SFXN5: variants seen among roughly 807,000 people sequenced by gnomAD.
SFXN5 encodes sideroflexin 5.
Under a neutral mutation model 50.2 loss-of-function variants are expected in SFXN5, and 43 were observed. That is an observed-to-expected ratio of 0.86 (90% confidence interval 0.67 to 1.11). SFXN5 has a LOEUF of 1.11. SFXN5 is among the 50% of genes least tolerant of loss of function. SFXN5 has a pLI of 0.00. For synonymous variants in SFXN5, 203 were observed against 185.8 expected (o/e 1.09, Z -0.75); for missense variants, 463 against 454.1 (o/e 1.02, Z -0.18).
intron 3 of SFXN5, among the ~76,000 whole-genome samples, chr2:73,034,126 C>G (rs1678665983): frequency 6.6e-6 from 1 of 152,180 alleles, no homozygotes; most frequent in South Asian, 2.1e-4. Flanking sequence ...CTGCAGGGAC[C>G]CAGCCCACAA....
At chr2:72,972,950 G>A (rs1224575443) in intron 10 of SFXN5, among the ~76,000 whole-genome samples, 1 of 152,050 alleles carries the variant, frequency 6.6e-6, no homozygotes, top group Non-Finnish European at 1.5e-5. Flanking sequence ...GCTGGAGGGT[G>A]GCGGGGCCTA....
At chr2:73,022,809 A>AC (rs1677069531) in intron 4 of SFXN5, among the ~76,000 whole-genome samples, 1 of 152,170 alleles carries the variant, frequency 6.6e-6, no homozygotes, top group Non-Finnish European at 1.5e-5. Context: ...AACAGATAGC[A>AC]CCACTCCTCC....
intron 6 of SFXN5, among the ~76,000 whole-genome samples, chr2:73,011,066 A>T (rs1311533953): frequency 6.6e-6 from 1 of 152,244 alleles, no homozygotes; most frequent in Non-Finnish European, 1.5e-5. Context: ...TACATCCAAG[A>T]GCTGATTCCA....
chr2:72,972,524 G>A (rs1041540108), intron 10 of SFXN5, among the ~76,000 whole-genome samples: 1 of 152,220 alleles, frequency 6.6e-6, no homozygotes, highest in Non-Finnish European at 1.5e-5. Flanking sequence ...GAAGTCTGGG[G>A]CCACCCATTA....
At chr2:72,947,770 A>G (rs909856664) in intron 13 of SFXN5, among the ~76,000 whole-genome samples, 26 of 152,144 alleles carry the variant, frequency 1.7e-4, no homozygotes, top group African/African-American at 6.0e-4. Context: ...AGCCAGGCTG[A>G]GGGCCCAGGC....
At chr2:73,061,777 T>C (rs1327873725) in intron 1 of SFXN5, among the ~76,000 whole-genome samples, 3 of 152,186 alleles carry the variant, frequency 2.0e-5, no homozygotes, top group Non-Finnish European at 4.4e-5. Context: ...ATCAATATTA[T>C]ACCTAATATA....
chr2:73,000,728 G>A (rs749964826), intron 7 of SFXN5, among the ~76,000 whole-genome samples: 6 of 152,166 alleles, frequency 3.9e-5, no homozygotes, highest in South Asian at 4.1e-4. Flanking sequence ...GGGGTCCTGC[G>A]CACCCCAGTA....
At chr2:73,058,886 G>T in intron 1 of SFXN5, 1 of 393,126 alleles carries the variant, frequency 2.5e-6, no homozygotes, top group Non-Finnish European at 4.4e-6. Flanking sequence ...GATCTATTCT[G>T]AGCCTATTAA....
rs1278033833 is a variant in SFXN5, at chr2:72,961,945, C to G, written c.828-697G>C. Among the ~76,000 whole-genome samples, 1 of 152,220 alleles carries G rather than the reference C, an allele frequency of 6.6e-6. No individual in the cohort carries two copies. Among genetic ancestry groups the G allele is most frequent in the African/African-American group, 2.4e-5 (1 of 41,444 alleles). ...TGCCAGCTTCATCACCAACACAACA[C>G]AGCTGGCACCCTCTTCCCATGGCTG... is the stretch of plus-strand genomic sequence containing the variant. On this transcript the variant is annotated intron_variant, in intron 12 of 13. Transcript: ENST00000272433. This position sits in a 1 kb window ranked among gnomAD's most constrained non-coding sequence, Gnocchi z 4.4.
intron 3 of SFXN5, among the ~76,000 whole-genome samples, chr2:73,030,051 G>A (rs1317612548): frequency 1.3e-5 from 2 of 152,066 alleles, no homozygotes. Context: ...CATCCTAGGC[G>A]ACAGGAGTGA....
chr2:73,000,461 AC>A lies in SFXN5; in HGVS notation c.437del (p.Cys146LeufsTer63), dbSNP rs748516012. 1.3e-5 allele frequency: 21 copies of A among 1,560,700 alleles called. No homozygotes were observed. Among genetic ancestry groups the A allele is most frequent in the Non-Finnish European group, 1.8e-5 (21 of 1,150,954 alleles). ...WQWLNQSHNA[C>X]VNYANRNATK... is the part of the protein sequence containing the mutation. Reference sequence around the variant, plus strand: ...TCGCATTGCGGTTTGCATAGTTGACACAGGCATTGTGGCTCTGGTTCAGCCA... The same window carrying A: ...TCGCATTGCGGTTTGCATAGTTGACAAGGCATTGTGGCTCTGGTTCAGCCA... On this transcript the variant is annotated frameshift_variant, in exon 8 of 14. Transcript: ENST00000272433. LOFTEE classifies it high-confidence loss of function.
At chr2:73,038,091 A>T (rs1574192899) in intron 3 of SFXN5, among the ~76,000 whole-genome samples, 1 of 152,356 alleles carries the variant, frequency 6.6e-6, no homozygotes, top group African/African-American at 2.4e-5. Context: ...ATCATTGTGC[A>T]AACAGCATAG....
At chr2:72,976,714 T>A (rs1263383624) in intron 10 of SFXN5, among the ~76,000 whole-genome samples, 1 of 152,224 alleles carries the variant, frequency 6.6e-6, no homozygotes, top group African/African-American at 2.4e-5. Context: ...ATTGAATGTG[T>A]AAGTGAATAC....
At chr2:73,008,276 A>G (rs188517087) in intron 6 of SFXN5, among the ~76,000 whole-genome samples, 1 of 152,318 alleles carries the variant, frequency 6.6e-6, no homozygotes, top group African/African-American at 2.4e-5. Context: ...CTAGGTGTTC[A>G]TGGTCTGCCC....
intron 13 of SFXN5, among the ~76,000 whole-genome samples, chr2:72,947,063 C>T (rs1447362485): frequency 1.3e-5 from 2 of 152,338 alleles, no homozygotes; most frequent in East Asian, 3.9e-4. Flanking sequence ...TTTCGTGTCT[C>T]AGCTTTAGAC....
chr2:73,016,066 A>G (rs1410332263), intron 6 of SFXN5, among the ~76,000 whole-genome samples: 1 of 152,070 alleles, frequency 6.6e-6, no homozygotes, highest in African/African-American at 2.4e-5. Context: ...TGTTCAATGC[A>G]TTCTGATCTT....
At chr2:73,065,190 T>C (rs1683087364) in intron 1 of SFXN5, among the ~76,000 whole-genome samples, 1 of 152,146 alleles carries the variant, frequency 6.6e-6, no homozygotes, top group Non-Finnish European at 1.5e-5. Context: ...AGCCTCAGAC[T>C]TCTGGACTCA....
intron 10 of SFXN5, among the ~76,000 whole-genome samples, chr2:72,985,564 G>T (rs184699426): frequency 1.5e-4 from 23 of 151,674 alleles, no homozygotes; most frequent in East Asian, 9.8e-4. Flanking sequence ...GGAAGCCTGT[G>T]GGGGGGTGGG....
Position 73,040,761 on chromosome 2 carries a change from A to C in SFXN5, c.249+93T>G. ...TACCAGCAGAAGTATATGCTGGACG[A>C]AAGAAGTGGTTCTGGCTGCAGCGAA... On this transcript the variant is annotated intron_variant, in intron 3 of 13. Transcript: ENST00000272433. The C allele has an allele frequency of 2.9e-6, 3 of 1,021,526 alleles. No individual in the cohort carries two copies. In the South Asian group the frequency reaches 4.7e-5, roughly 16 times the overall value. 63.3% of individuals were successfully genotyped at this position (1,021,526 alleles called of 1,614,324 possible). A position where few individuals can be genotyped will look rare whatever the true frequency, so the allele number is the denominator to read the frequency against.
Sources: gnomAD v4.1 joint callset for allele counts (sites outside exome capture counted in the v4.1 genomes callset) on GRCh38, gnomAD v4.1.1 for gene constraint, Gnocchi (gnomAD v3.1) non-coding constraint, MANE v1.5 for transcripts, NCBI Gene and HGNC (gene_info 2026-07-23, HGNC 2026-07-21) for gene names.